Variants in DNAJC6 observed in about 807,000 individuals in gnomAD.
The protein encoded by DNAJC6 is auxilin.
DNAJC6 carries 34 observed loss-of-function variants against 110.0 expected under a neutral mutation model. That is an observed-to-expected ratio of 0.31 (90% confidence interval 0.24 to 0.41). DNAJC6 has a LOEUF of 0.41. Ranked by LOEUF, DNAJC6 falls within the 10% of genes least tolerant of loss-of-function variation. DNAJC6 has a pLI of 1.00. For synonymous variants in DNAJC6, 406 were observed against 437.2 expected, an observed-to-expected ratio of 0.93 and a Z score of 0.89; for missense variants, 1,031 against 1,207.8, an observed-to-expected ratio of 0.85 and a Z score of 2.17.
chr1:65,309,596 C>G lies in DNAJC6; in HGVS notation c.-150C>G, dbSNP rs1380608178. ...TCGCCTCGCCCGGCGAAGCTTCTCT[C>G]CGGTGGCCGCTCCTTCTTTTCCCTC... is the stretch of plus-strand genomic sequence containing the variant. On this transcript the variant is annotated 5_prime_UTR_variant, in exon 1 of 19. Transcript: ENST00000371069. 1 of 1,280,498 alleles carries G rather than the reference C, an allele frequency of 7.8e-7. No homozygotes were observed. Among genetic ancestry groups the G allele is most frequent in the African/African-American group, 1.6e-5 (1 of 61,846 alleles). 79.3% of individuals were successfully genotyped at this position (1,280,498 alleles called of 1,614,324 possible).
chr1:65,386,005 T>C, intron 7 of DNAJC6, 99 bp downstream of exon 7: 1 of 1,180,158 alleles, frequency 8.5e-7, no homozygotes, highest in Non-Finnish European at 1.2e-6. Flanking sequence ...GACTATATCA[T>C]TGTGAAATAG....
intron 1 of DNAJC6, among the ~76,000 whole-genome samples, chr1:65,336,270 T>C (rs549333329): frequency 1.3e-5 from 2 of 152,202 alleles, no homozygotes; most frequent in Admixed American, 6.5e-5. Flanking sequence ...TATTATATCT[T>C]GTGAGAACTC....
chr1:65,342,555 A>G (rs140211320), intron 1 of DNAJC6, among the ~76,000 whole-genome samples: 349 of 152,308 alleles, frequency 2.3e-3, no homozygotes, highest in Non-Finnish European at 3.7e-3. Flanking sequence ...TCTGTTCTTA[A>G]TAAGCCACTC....
At chr1:65,404,698 A>G (rs1646058857) in intron 15 of DNAJC6, among the ~76,000 whole-genome samples, 2 of 152,190 alleles carry the variant, frequency 1.3e-5, no homozygotes, top group African/African-American at 4.8e-5. Context: ...TATCTATAGA[A>G]AGAAGAGATA....
At chr1:65,392,903 G>A (rs1422776654) in intron 12 of DNAJC6, 38 bp downstream of exon 12, 1 of 1,441,694 alleles carries the variant, frequency 6.9e-7, no homozygotes, top group African/African-American at 1.4e-5. Context: ...TCTCAGATTT[G>A]AATTCTAACC....
intron 1 of DNAJC6, among the ~76,000 whole-genome samples, chr1:65,294,995 G>A (rs1210672179): frequency 1.1e-4 from 16 of 152,128 alleles, no homozygotes; most frequent in Admixed American, 1.0e-3. Context: ...GGCATCTGAA[G>A]TTTTTCTTTT....
chr1:65,337,195 G>A (rs1209955125), intron 1 of DNAJC6, among the ~76,000 whole-genome samples: 1 of 147,560 alleles, frequency 6.8e-6, no homozygotes, highest in Non-Finnish European at 1.5e-5. Flanking sequence ...CGTAGGTCGT[G>A]TTTTGTATTT....
At chr1:65,412,430 A>T (rs1372653025) in intron 18 of DNAJC6, among the ~76,000 whole-genome samples, 1 of 152,184 alleles carries the variant, frequency 6.6e-6, no homozygotes, top group Non-Finnish European at 1.5e-5. Context: ...ATCTCTCCAC[A>T]TTTTTTTGTA....
intron 4 of DNAJC6, among the ~76,000 whole-genome samples, chr1:65,371,291 C>T (rs1038610820): frequency 6.6e-6 from 1 of 152,162 alleles, no homozygotes; most frequent in African/African-American, 2.4e-5. Context: ...AGCTGTTCTT[C>T]TTCCTGGGCA....
At chr1:65,311,416 G>A (rs976593259) in intron 1 of DNAJC6, among the ~76,000 whole-genome samples, 18 of 152,024 alleles carry the variant, frequency 1.2e-4, no homozygotes, top group African/African-American at 4.3e-4. Context: ...GTAGAGACGG[G>A]GTTTTGCCAT....
At chr1:65,402,704 T>C (rs986240393) in intron 15 of DNAJC6, among the ~76,000 whole-genome samples, 1 of 152,226 alleles carries the variant, frequency 6.6e-6, no homozygotes, top group Non-Finnish European at 1.5e-5. Flanking sequence ...TACTGAGGCA[T>C]TTAGAGCCAG....
At chr1:65,363,412 C>CAGAG (rs756543738) in intron 1 of DNAJC6, among the ~76,000 whole-genome samples, 12 of 119,676 alleles carry the variant, frequency 1.0e-4, no homozygotes, top group African/African-American at 3.3e-4. Context: ...GAAATACAGA[C>CAGAG]AGAGAGAGAG....
chr1:65,346,406 A>G (rs1382385182), intron 1 of DNAJC6, among the ~76,000 whole-genome samples: 1 of 151,922 alleles, frequency 6.6e-6, no homozygotes, highest in Non-Finnish European at 1.5e-5. Context: ...TTGTCATTCC[A>G]TATCTCAGTG....
In DNAJC6 at chr1:65,290,901, AT is replaced by A. The variant is rs570487147; in HGVS notation, c.-131+25971del. ...TTGTGTTGTGTAGGAAAATGTCCCC[AT>A]TAGGAAATGCATCATGAAAAATTAA... On this transcript the variant is annotated intron_variant, in intron 1 of 19. Coordinates refer to the DNAJC6 transcript ENST00000263441. Among the ~76,000 whole-genome samples, 410 of 152,362 alleles carry A rather than the reference AT, an allele frequency of 2.7e-3. 5 individuals are homozygous for A. The highest frequency in any genetic ancestry group is 8.8e-3 in the African/African-American group (365 of 41,592).
chr1:65,406,095 G>A lies in DNAJC6; in HGVS notation c.2453G>A (p.Gly818Glu). Residue 818 changes from glycine to glutamate, a missense_variant, in exon 16 of 19, where the codon GGG becomes GAG. Transcript: ENST00000371069. ...NYNVSFSAMP[G>E]GQNERGKGSS... ...AACGTGAGCTTCTCAGCCATGCCTGGGGGCCAGAACGAACGTGGGAAAGGA... is the reference window on the plus strand; with the variant it reads ...AACGTGAGCTTCTCAGCCATGCCTGAGGGCCAGAACGAACGTGGGAAAGGA... 1 of 1,614,196 alleles carries A rather than the reference G, an allele frequency of 6.2e-7. No homozygotes were observed. Among genetic ancestry groups the A allele is most frequent in the Non-Finnish European group, 8.5e-7 (1 of 1,180,040 alleles).
intron 4 of DNAJC6, among the ~76,000 whole-genome samples, chr1:65,376,508 C>T (rs555188596): frequency 1.5e-4 from 22 of 151,682 alleles, no homozygotes; most frequent in South Asian, 2.1e-4. Context: ...TCTACTTTTT[C>T]GATATAGGTG....
chr1:65,343,130 A>T (rs1393878072), intron 1 of DNAJC6, among the ~76,000 whole-genome samples: 1 of 152,182 alleles, frequency 6.6e-6, no homozygotes, highest in East Asian at 1.9e-4. Flanking sequence ...TTCTGTGAGG[A>T]AACACCATAA....
chr1:65,350,163 A>G (rs1405319118), intron 1 of DNAJC6, among the ~76,000 whole-genome samples: 1 of 152,134 alleles, frequency 6.6e-6, no homozygotes, highest in Non-Finnish European at 1.5e-5. Flanking sequence ...CTCTGCTTAC[A>G]TGATGGTAAA....
intron 1 of DNAJC6, among the ~76,000 whole-genome samples, chr1:65,265,831 A>C (rs749427011): frequency 6.6e-5 from 10 of 152,226 alleles, no homozygotes; most frequent in South Asian, 2.1e-4. Context: ...GGCGCAGCGG[A>C]GTCGCGTGCC....
Sources: gnomAD v4.1 joint callset for allele counts (sites outside exome capture counted in the v4.1 genomes callset) on GRCh38, gnomAD v4.1.1 for gene constraint, MANE v1.5 for transcripts, NCBI Gene and HGNC (gene_info 2026-07-23, HGNC 2026-07-21) for gene names.